The following LYZL1 variants were observed in gnomAD, a reference collection of about 807,000 sequenced individuals.
LYZL1 encodes lysozyme like 1.
In LYZL1, 16 loss-of-function variants were observed where a neutral mutation model predicts 17.9. The observed-to-expected ratio is 0.90, with a 90% confidence interval of 0.61 to 1.36. LYZL1 has a LOEUF of 1.36. Ranked by LOEUF, LYZL1 falls within the 40% of genes most tolerant of loss-of-function variation. LYZL1 has a pLI of 0.00. For synonymous variants in LYZL1, 58 were observed against 71.8 expected (o/e 0.81, Z 0.97); for missense variants, 149 against 188.4 (o/e 0.79, Z 1.22).
chr10:29,311,396 T>C (rs1835671006), downstream of LYZL1, among the ~76,000 whole-genome samples: 1 of 151,956 alleles, frequency 6.6e-6, no homozygotes, highest in African/African-American at 2.4e-5. Flanking sequence ...GACTCCCTCA[T>C]CTTCAGGGCC....
chr10:29,293,127 C>CTTTTTTTTTTTTTTTTTTTTTTTTTTTTT (rs778807136), intron 3 of LYZL1, among the ~76,000 whole-genome samples: 6 of 104,192 alleles, frequency 5.8e-5, no homozygotes, highest in South Asian at 3.3e-4. Context: ...CTTTTCTTTT[C>CTTTTTTTTTTTTTTTTTTTTTTTTTTTTT]TTTTTTCTTT....
chr10:29,316,566 C>G (rs1469930728), intron 3 of LYZL1, among the ~76,000 whole-genome samples: 1 of 152,124 alleles, frequency 6.6e-6, no homozygotes, highest in Non-Finnish European at 1.5e-5. Flanking sequence ...ATTGGTTAGG[C>G]TCTGTTCATA....
downstream of LYZL1, among the ~76,000 whole-genome samples, chr10:29,313,014 A>C (rs1015903950): frequency 6.6e-6 from 1 of 152,158 alleles, no homozygotes; most frequent in African/African-American, 2.4e-5. Flanking sequence ...ATATGCTCTT[A>C]CTGCCAACTC....
chr10:29,302,619 G>A (rs1443320822), intron 3 of LYZL1, among the ~76,000 whole-genome samples: 4 of 152,204 alleles, frequency 2.6e-5, no homozygotes, highest in South Asian at 2.1e-4. Flanking sequence ...TGAGCAAAGC[G>A]TGAGTTTGAG....
At chr10:29,310,899 C>A (rs931585814) in intron 4 of LYZL1, 91 bp from the exon 5 acceptor site, 1 of 1,598,012 alleles carries the variant, frequency 6.3e-7, no homozygotes. Flanking sequence ...GTTCCGCTGG[C>A]GATTTTGGTT....
intron 3 of LYZL1, among the ~76,000 whole-genome samples, chr10:29,293,674 T>G (rs1282457510): frequency 1.3e-5 from 2 of 152,000 alleles, no homozygotes; most frequent in Non-Finnish European, 2.9e-5. Flanking sequence ...AAAGTGACAG[T>G]ATTAAGAAAA....
At chr10:29,316,366 G>C (rs368111977) in intron 3 of LYZL1, among the ~76,000 whole-genome samples, 1 of 152,232 alleles carries the variant, frequency 6.6e-6, no homozygotes, top group Non-Finnish European at 1.5e-5. Flanking sequence ...ACAGGAGAAA[G>C]AGAAGAGGAA....
chr10:29,290,040 A>C (rs1442834091), intron 1 of LYZL1, among the ~76,000 whole-genome samples: 1 of 152,084 alleles, frequency 6.6e-6, no homozygotes, highest in Non-Finnish European at 1.5e-5. Context: ...TTGCTTAGTC[A>C]CCTTAAAGCC....
At chr10:29,304,409 A>G (rs7100281) in intron 3 of LYZL1, among the ~76,000 whole-genome samples, 61,892 of 151,888 alleles carry the variant, frequency 0.41, 13,258 homozygotes, top group African/African-American at 0.55. Context: ...GTCATCTCAC[A>G]GGGGAAAGAG....
At chr10:29,295,718 C>T (rs149433242) in intron 3 of LYZL1, among the ~76,000 whole-genome samples, 1 of 152,238 alleles carries the variant, frequency 6.6e-6, no homozygotes, top group African/African-American at 2.4e-5. Context: ...GAATCTTGCC[C>T]AGCTGTGGTC....
chr10:29,316,906 C>T (rs2132845090), intron 3 of LYZL1, among the ~76,000 whole-genome samples: 1 of 152,014 alleles, frequency 6.6e-6, no homozygotes, highest in South Asian at 2.1e-4. Context: ...TTTGTAAATA[C>T]AAGGTCTTGC....
chr10:29,308,556 G>C (rs1835627232), intron 3 of LYZL1, among the ~76,000 whole-genome samples: 1 of 152,176 alleles, frequency 6.6e-6, no homozygotes, highest in African/African-American at 2.4e-5. Flanking sequence ...GCCGTTTTCT[G>C]TCATGTTTGT....
intron 3 of LYZL1, among the ~76,000 whole-genome samples, chr10:29,293,221 C>T (rs1835401279): frequency 6.8e-6 from 1 of 147,408 alleles, no homozygotes; most frequent in Non-Finnish European, 1.5e-5. Context: ...CAGTCTTGAC[C>T]TCCAGGCCCC....
Position 29,311,151 on chromosome 10 carries a change from A to C in LYZL1, c.*92A>C. 6 of 1,609,048 alleles carry C rather than the reference A, an allele frequency of 3.7e-6. No individual in the cohort carries two copies. Among genetic ancestry groups the C allele is most frequent in the Admixed American group, 1.7e-5 (1 of 58,468 alleles). On this transcript the variant is annotated 3_prime_UTR_variant, in exon 5 of 5. Transcript: ENST00000649382. Reference sequence around the variant, plus strand: ...GTGTCATCTTGTCCCGTTTCCTCCCAATATTCCTTCTCAAACTTGGAGAGG... The same window carrying C: ...GTGTCATCTTGTCCCGTTTCCTCCCCATATTCCTTCTCAAACTTGGAGAGG...
chr10:29,318,207 T>C, exon 5 of LYZL1: 4 of 985,112 alleles, frequency 4.1e-6, no homozygotes, highest in Non-Finnish European at 4.8e-6. Flanking sequence ...CAGCTAGATT[T>C]CCCTGCCTGC....
At chr10:29,298,493 T>A (rs1835474660) in intron 3 of LYZL1, among the ~76,000 whole-genome samples, 1 of 152,196 alleles carries the variant, frequency 6.6e-6, no homozygotes, top group African/African-American at 2.4e-5. Flanking sequence ...TGCGTTGGCC[T>A]CTGAGTGCAC....
At chr10:29,309,502 A>AT (rs200589364) in intron 3 of LYZL1, among the ~76,000 whole-genome samples, 5,302 of 151,218 alleles carry the variant, frequency 0.035, 152 homozygotes, top group South Asian at 0.08. Flanking sequence ...CTTATGTGCC[A>AT]TTTTTTTTTC....
At chr10:29,308,594 C>T (rs1418660183) in intron 3 of LYZL1, among the ~76,000 whole-genome samples, 1 of 152,206 alleles carries the variant, frequency 6.6e-6, no homozygotes, top group Non-Finnish European at 1.5e-5. Context: ...GGCTACTTTT[C>T]AGGCAAGCAG....
rs759731251 is a variant in LYZL1 at position 29,292,678 on chromosome 10, G to A, written c.298+1G>A. The A allele has an allele frequency of 2.5e-6, 4 of 1,611,990 alleles. No individual in the cohort carries two copies. The Admixed American group carries it at 5.0e-5, about 20-fold the overall frequency. Reference sequence around the variant, plus strand: ...AACCACTGCCATGTCGCCTGCTCAGGTGAGGCTCTGACTTTCCAGTGATGC... The same window carrying A: ...AACCACTGCCATGTCGCCTGCTCAGATGAGGCTCTGACTTTCCAGTGATGC... On this transcript the variant is annotated splice_donor_variant, in intron 3 of 4. Transcript: ENST00000649382. LOFTEE classifies it high-confidence loss of function.
Sources: allele counts gnomAD v4.1 joint callset (sites outside exome capture counted in the v4.1 genomes callset), GRCh38; gene constraint gnomAD v4.1.1; transcripts MANE v1.5; gene names NCBI Gene and HGNC (gene_info 2026-07-23, HGNC 2026-07-21).